The following NBPF15 variants were observed in gnomAD, a reference collection of about 807,000 sequenced individuals.
The protein encoded by NBPF15 is NBPF member 15.
Under a neutral mutation model 62.2 loss-of-function variants are expected in NBPF15, and 74 were observed. That is an observed-to-expected ratio of 1.19 (90% CI 0.99 to 1.44). The LOEUF (loss-of-function observed/expected upper bound fraction) is 1.44, where lower values mean the gene tolerates loss of function less well. Ranked by LOEUF, NBPF15 falls within the 40% of genes most tolerant of loss-of-function variation. The probability of loss-of-function intolerance (pLI) is 0.00; values close to 1 mark genes in which losing one functional copy is unlikely to be tolerated. For missense variants in NBPF15, 790 were observed against 550.0 expected (o/e 1.44, Z -4.36); for synonymous variants, 244 against 209.7 (o/e 1.16, Z -1.41).
At chr1:144,424,083 A>C (rs1219465872) in intron 20 of NBPF15, 108 bp from the exon 21 acceptor site, 2 of 756,474 alleles carry the variant, frequency 2.6e-6, no homozygotes, top group Non-Finnish European at 4.8e-6. Context: ...CAGCATAAGA[A>C]TACGACACCA....
Position 144,423,211 on chromosome 1 carries a change from C to G in NBPF15, c.1815G>C (p.Gln605His), listed in dbSNP as rs781932568. The G allele has an allele frequency of 6.8e-6, 11 of 1,611,412 alleles. No homozygotes were observed. The highest frequency in any genetic ancestry group is 1.3e-5 in the African/African-American group (1 of 74,746). The change falls in exon 22 of 22, where the codon CAG becomes CAC. Residue 605 changes from glutamine to histidine, a missense_variant. Coordinates refer to ENST00000581897, the MANE Select transcript of NBPF15 (RefSeq NM_001385408.1). ...TCGAATAACATCTATCCAGTGAGTC[C>G]TGTAAGACTTCAGGCTCTTCCACTT... ...LMEVEEPEVL[Q>H]DSLDRCYSTP...
intron 8 of NBPF15, among the ~76,000 whole-genome samples, chr1:144,438,600 T>A (rs1553541880): frequency 6.6e-6 from 1 of 151,936 alleles, no homozygotes; most frequent in Non-Finnish European, 1.5e-5. Flanking sequence ...ATGAAGGAAA[T>A]ATGCCCAAAT....
intron 6 of NBPF15, among the ~76,000 whole-genome samples, chr1:144,444,394 A>G (rs1258661371): frequency 2.0e-5 from 3 of 151,832 alleles, no homozygotes; most frequent in Non-Finnish European, 4.4e-5. Context: ...CATTCTTAAC[A>G]GGAGCCATTT....
intron 6 of NBPF15, among the ~76,000 whole-genome samples, chr1:144,441,957 A>G (rs1435803896): frequency 4.7e-5 from 7 of 149,088 alleles, no homozygotes; most frequent in Non-Finnish European, 8.9e-5. Flanking sequence ...TGGGAACTGA[A>G]CAATGAGAAC....
intron 4 of NBPF15, among the ~76,000 whole-genome samples, chr1:144,453,574 TA>T: frequency 1.6e-5 from 2 of 121,814 alleles, no homozygotes; most frequent in East Asian, 2.4e-4. Context: ...ATTTACAAAA[TA>T]ATCTGATGGA....
intron 6 of NBPF15, among the ~76,000 whole-genome samples, chr1:144,442,382 A>T (rs1684140696): frequency 7.1e-6 from 1 of 140,832 alleles, no homozygotes; most frequent in South Asian, 2.2e-4. Context: ...ACATGTATAT[A>T]TATTATACAA....
In NBPF15 at chr1:144,450,538, G is replaced by A. The variant is rs1253290931; in HGVS notation, c.-333+234C>T. Among the ~76,000 whole-genome samples the A allele has an allele frequency of 1.3e-4, 20 of 150,184 alleles. 1 individual carries two copies. The highest frequency in any genetic ancestry group is 3.9e-4 in the East Asian group (2 of 5,150). On this transcript the variant is annotated intron_variant, in intron 5 of 21. Coordinates refer to ENST00000581897, the MANE Select transcript of NBPF15 (RefSeq NM_001385408.1). Reference sequence around the variant, plus strand: ...AATAAAACACAGCCAGCCCATTCCCGGATTTTAGCCTCACATGACTCTGAT... The same window carrying A: ...AATAAAACACAGCCAGCCCATTCCCAGATTTTAGCCTCACATGACTCTGAT...
intron 3 of NBPF15, among the ~76,000 whole-genome samples, chr1:144,458,359 C>A (rs1203068784): frequency 6.6e-6 from 1 of 151,730 alleles, no homozygotes; most frequent in East Asian, 1.9e-4. Flanking sequence ...ATTCAAGTCA[C>A]AATGAACATC....
chr1:144,455,175 G>C (rs587740267), intron 4 of NBPF15, among the ~76,000 whole-genome samples: 26 of 148,104 alleles, frequency 1.8e-4, no homozygotes, highest in Admixed American at 3.4e-4. Flanking sequence ...GAGGGAGAGA[G>C]GAAGGGAGGA....
At chr1:144,432,781 T>C (rs1207102231) in intron 13 of NBPF15, among the ~76,000 whole-genome samples, 1 of 151,644 alleles carries the variant, frequency 6.6e-6, no homozygotes, top group Non-Finnish European at 1.5e-5. Flanking sequence ...ATGCACCCTA[T>C]ACAGGAGCAC....
chr1:144,440,812 C>T (rs1368363087), intron 6 of NBPF15, among the ~76,000 whole-genome samples: 1 of 150,924 alleles, frequency 6.6e-6, no homozygotes, highest in Non-Finnish European at 1.5e-5. Context: ...GCCACCACGC[C>T]CGGCTAATTT....
chr1:144,426,979 G>C (rs1439140463), intron 17 of NBPF15, 68 bp downstream of exon 17: 18 of 733,028 alleles, frequency 2.5e-5, no homozygotes, highest in African/African-American at 5.3e-5. Flanking sequence ...ACACACTCTT[G>C]TTTTCCCTGG....
In NBPF15 at chr1:144,421,959, A is replaced by AT. The variant is rs1393509816; in HGVS notation, c.*1053dup. The AT allele has an allele frequency of 1.5e-5, 2 of 136,994 alleles. No individual in the cohort carries two copies. The highest frequency in any genetic ancestry group is 3.0e-5 in the Non-Finnish European group (2 of 66,324). The allele number at this position is 136,994 out of a possible 1,614,324, so 8.5% of individuals were successfully genotyped here. A position where few individuals can be genotyped will look rare whatever the true frequency, so the allele number is the denominator to read the frequency against. Reference sequence around the variant, plus strand: ...TTAGGCTGAATTTAATCATGAAGACATTTTCAGACAACTTCAGAATGTAGA... The same window carrying AT: ...TTAGGCTGAATTTAATCATGAAGACATTTTTCAGACAACTTCAGAATGTAGA... On this transcript the variant is annotated 3_prime_UTR_variant, in exon 22 of 22. Coordinates refer to ENST00000581897, the MANE Select transcript of NBPF15 (RefSeq NM_001385408.1).
In NBPF15 at chr1:144,423,794, C is replaced by A. The variant is rs1667501340; in HGVS notation, c.1769+76G>T. The A allele has an allele frequency of 6.8e-6, 5 of 733,790 alleles. 1 individual carries two copies. The highest frequency in any genetic ancestry group is 1.5e-5 in the South Asian group (1 of 67,770). The allele number at this position is 733,790 out of a possible 1,614,324, so 45.5% of individuals were successfully genotyped here. ...CCTTCGTTGAAAACATGACATCAAACACACTCTGGTTTCCCTGAATCTGTT... is the reference window on the plus strand; with the variant it reads ...CCTTCGTTGAAAACATGACATCAAAAACACTCTGGTTTCCCTGAATCTGTT... On this transcript the variant is annotated intron_variant, in intron 21 of 21. Coordinates refer to ENST00000581897, the MANE Select transcript of NBPF15 (RefSeq NM_001385408.1).
intron 4 of NBPF15, among the ~76,000 whole-genome samples, chr1:144,452,672 A>C (rs1204769319): frequency 6.6e-6 from 1 of 150,626 alleles, no homozygotes; most frequent in East Asian, 1.9e-4. Context: ...TCTTTAAACA[A>C]ACTTTTGGGT....
chr1:144,445,802 A>C (rs1687079576), intron 6 of NBPF15, among the ~76,000 whole-genome samples: 1 of 144,880 alleles, frequency 6.9e-6, no homozygotes. Context: ...TCTCAAAGCA[A>C]TTTTTTGTAG....
At position 144,439,859 on chromosome 1, in the gene NBPF15, C is replaced by A. The variant is rs1384886769; in HGVS notation, c.145G>T (p.Gly49Cys). 1 of 1,609,114 alleles carries A rather than the reference C, an allele frequency of 6.2e-7. No individual in the cohort carries two copies. The highest frequency in any genetic ancestry group is 8.5e-7 in the Non-Finnish European group (1 of 1,178,170). The change falls in exon 8 of 22, where the codon GGC (glycine) becomes TGC (cysteine). Residue 49 changes from glycine to cysteine, a missense_variant. Transcript: ENST00000581897. ...TTCTTCTGTCGGTTGGCCAGGAAGC[C>A]GGCCAGTTGAGTTAGAAAACATTTC... Reference protein sequence around the residue: ...KEKCFLTQLAGFLANRQKKYK... With the variant: ...KEKCFLTQLACFLANRQKKYK...
At position 144,435,183 on chromosome 1, in the gene NBPF15, C is replaced by T. The variant is rs1677300426; in HGVS notation, c.700G>A (p.Asp234Asn). 6.2e-7 allele frequency: 1 copy of T among 1,612,948 alleles called. No individual in the cohort carries two copies. Among genetic ancestry groups the T allele is most frequent in the African/African-American group, 1.3e-5 (1 of 74,828 alleles). Reference protein sequence around the residue: ...HKKTKITFEEDKVDSTLIGSS... With the variant: ...HKKTKITFEENKVDSTLIGSS... Reference sequence around the variant, plus strand: ...CCAATGAGAGTTGAGTCGACTTTGTCTTCCTCAAATGTGATTTTGGTTTTC... The same window carrying T: ...CCAATGAGAGTTGAGTCGACTTTGTTTTCCTCAAATGTGATTTTGGTTTTC... Residue 234 changes from aspartate (D) to asparagine (N), a missense_variant, in exon 12 of 22, where the codon GAC (aspartate) becomes AAC (asparagine). Asp to Asn is a conservative substitution (Grantham distance 23, BLOSUM62 1). Coordinates refer to ENST00000581897, the MANE Select transcript of NBPF15 (RefSeq NM_001385408.1).
chr1:144,460,092 G>C lies in NBPF15; in HGVS notation c.-818-609C>G, dbSNP rs1302056778. On this transcript the variant is annotated intron_variant, in intron 2 of 21. Coordinates refer to ENST00000581897, the MANE Select transcript of NBPF15 (RefSeq NM_001385408.1). The stretch of plus-strand genomic sequence containing the variant: ...GGGTCTCACTCTGCCACCCAGGCGG[G>C]AGTGCACTGCCATGATCACGGCTCA... 6.5e-4 allele frequency among the ~76,000 whole-genome samples: 67 copies of C among 103,522 alleles called. 3 individuals carry two copies. In the South Asian group the frequency reaches 0.027, roughly 41 times the overall value. The allele number at this position is 103,522 out of a possible 152,430, so 67.9% of individuals were successfully genotyped here.
Sources: allele counts gnomAD v4.1 joint callset (sites outside exome capture counted in the v4.1 genomes callset), GRCh38; gene constraint gnomAD v4.1.1; transcripts MANE v1.5; gene names NCBI Gene and HGNC (gene_info 2026-07-23, HGNC 2026-07-21).